The following THUMPD2 variants were observed in gnomAD, a reference collection of about 807,000 sequenced individuals.
THUMPD2 encodes THUMP domain 2 tRNA and snRNA guanosine methyltransferase.
THUMPD2 carries 56 observed loss-of-function variants against 49.4 expected under a neutral mutation model. The observed-to-expected ratio is 1.13, with a 90% confidence interval of 0.91 to 1.41. The LOEUF is 1.41. Ranked by LOEUF, THUMPD2 falls within the 40% of genes most tolerant of loss-of-function variation. THUMPD2 has a pLI of 0.00. For synonymous variants in THUMPD2, 237 were observed against 205.2 expected (o/e 1.15, Z -1.32); for missense variants, 709 against 594.5 (o/e 1.19, Z -2.00).
intron 1 of THUMPD2, among the ~76,000 whole-genome samples, chr2:39,774,649 G>C (rs556945379): frequency 1.3e-5 from 2 of 152,124 alleles, no homozygotes; most frequent in African/African-American, 4.8e-5. Context: ...GAATTTTGGT[G>C]CTTATGACTT....
At chr2:39,776,580 G>A (rs1403817545) in intron 1 of THUMPD2, among the ~76,000 whole-genome samples, 2 of 151,872 alleles carry the variant, frequency 1.3e-5, no homozygotes, top group Non-Finnish European at 2.9e-5. Flanking sequence ...TAGTAGAGAC[G>A]GGGTTTCACC....
chr2:39,756,569 C>T (rs140410069), intron 6 of THUMPD2, among the ~76,000 whole-genome samples: 18 of 151,706 alleles, frequency 1.2e-4, no homozygotes, highest in African/African-American at 3.4e-4. Flanking sequence ...GTAAGGAACA[C>T]GGGTCTGGTC....
chr2:39,738,553 G>T (rs1263716939), intron 9 of THUMPD2, among the ~76,000 whole-genome samples: 2 of 150,438 alleles, frequency 1.3e-5, no homozygotes, highest in Admixed American at 1.3e-4. Context: ...AACAGAGAGA[G>T]ACCCTGTCTT....
chr2:39,746,348 T>C (rs1674588259), intron 8 of THUMPD2, among the ~76,000 whole-genome samples: 1 of 152,202 alleles, frequency 6.6e-6, no homozygotes, highest in African/African-American at 2.4e-5. Flanking sequence ...ATCAGTATCA[T>C]CTGGAAACTA....
intron 8 of THUMPD2, among the ~76,000 whole-genome samples, chr2:39,744,846 C>T (rs1470680284): frequency 6.6e-6 from 1 of 152,092 alleles, no homozygotes; most frequent in African/African-American, 2.4e-5. Flanking sequence ...TTTCATTTCC[C>T]ATTTTAAAAC....
intron 3 of THUMPD2, 80 bp from the exon 4 acceptor site, chr2:39,768,581 G>A: frequency 8.8e-7 from 1 of 1,138,924 alleles, no homozygotes; most frequent in Non-Finnish European, 1.3e-6. Context: ...TAACAGAGTA[G>A]CCTATAAGAA....
intron 6 of THUMPD2, among the ~76,000 whole-genome samples, chr2:39,760,070 G>GAAT (rs1341098129): frequency 6.6e-6 from 1 of 152,168 alleles, no homozygotes; most frequent in Admixed American, 6.5e-5. Context: ...TAATGACTAA[G>GAAT]AATAGGCTGT....
chr2:39,777,084 G>A (rs912263996), intron 1 of THUMPD2, among the ~76,000 whole-genome samples: 1 of 152,194 alleles, frequency 6.6e-6, no homozygotes, highest in East Asian at 1.9e-4. Context: ...ATCATTGAAA[G>A]AATGTTTTAA....
At chr2:39,749,515 T>A (rs756104756) in intron 8 of THUMPD2, among the ~76,000 whole-genome samples, 6 of 152,098 alleles carry the variant, frequency 3.9e-5, no homozygotes, top group Non-Finnish European at 8.8e-5. Flanking sequence ...CTTCACAGAG[T>A]GATATTTTAA....
intron 5 of THUMPD2, among the ~76,000 whole-genome samples, chr2:39,765,030 T>C (rs1677317862): frequency 6.6e-6 from 1 of 152,172 alleles, no homozygotes; most frequent in African/African-American, 2.4e-5. Context: ...TATAAAGTTA[T>C]ATTAGTTAAA....
At chr2:39,746,609 C>T (rs1674627205) in intron 8 of THUMPD2, among the ~76,000 whole-genome samples, 1 of 152,094 alleles carries the variant, frequency 6.6e-6, no homozygotes, top group Non-Finnish European at 1.5e-5. Context: ...CATCTTTTTA[C>T]ATCTCTGCAG....
At chr2:39,755,223 G>C (rs879345791) in intron 8 of THUMPD2, 72 bp downstream of exon 8, 45 of 1,069,896 alleles carry the variant, frequency 4.2e-5, no homozygotes, top group Non-Finnish European at 5.0e-5. Flanking sequence ...AGTGAGACTT[G>C]TTTTATATTA....
At chr2:39,752,827 T>G (rs1411138353) in intron 8 of THUMPD2, among the ~76,000 whole-genome samples, 2 of 152,172 alleles carry the variant, frequency 1.3e-5, no homozygotes, top group Non-Finnish European at 2.9e-5. Flanking sequence ...AATTATAATC[T>G]CCAGTATCAA....
rs141971039 is a variant in THUMPD2, at chr2:39,771,976, C to A, written c.127-336G>T. Among the ~76,000 whole-genome samples the A allele has an allele frequency of 4.3e-3, 651 of 152,252 alleles. 5 individuals are homozygous for A. The highest frequency in any genetic ancestry group is 0.014 in the African/African-American group (601 of 41,554). ...CATATATCCTGAATAATAACAGACACACACTGACATACACATTAAAACATA... is the reference window on the plus strand; with the variant it reads ...CATATATCCTGAATAATAACAGACAAACACTGACATACACATTAAAACATA... On this transcript the variant is annotated intron_variant, in intron 1 of 9. Coordinates refer to ENST00000505747, the MANE Select transcript of THUMPD2 (RefSeq NM_025264.5).
At chr2:39,743,626 G>C (rs954612741) in intron 9 of THUMPD2, among the ~76,000 whole-genome samples, 1 of 152,086 alleles carries the variant, frequency 6.6e-6, no homozygotes, top group Non-Finnish European at 1.5e-5. Flanking sequence ...AGGGAAAGCT[G>C]GTTGTTAAAA....
chr2:39,740,988 A>G (rs1359606904), intron 9 of THUMPD2, among the ~76,000 whole-genome samples: 1 of 152,174 alleles, frequency 6.6e-6, no homozygotes, highest in African/African-American at 2.4e-5. Context: ...CTGAGACTAC[A>G]GGTATGAGCT....
chr2:39,750,406 A>T (rs1018779481), intron 8 of THUMPD2, among the ~76,000 whole-genome samples: 6 of 152,192 alleles, frequency 3.9e-5, no homozygotes, highest in African/African-American at 1.4e-4. Context: ...TCTTTTGAGA[A>T]GTATCTGCTC....
chr2:39,754,385 G>A (rs191839528), intron 8 of THUMPD2, among the ~76,000 whole-genome samples: 33 of 152,164 alleles, frequency 2.2e-4, no homozygotes, highest in African/African-American at 5.8e-4. Context: ...CTTCTTTGGG[G>A]ATGCTTTATT....
intron 1 of THUMPD2, among the ~76,000 whole-genome samples, chr2:39,775,022 A>AT (rs1401830564): frequency 2.0e-5 from 3 of 152,204 alleles, no homozygotes; most frequent in African/African-American, 2.4e-5. Flanking sequence ...GCTCATGCCT[A>AT]TAATTCCAGT....
Sources: gnomAD v4.1 joint callset for allele counts (sites outside exome capture counted in the v4.1 genomes callset) on GRCh38, gnomAD v4.1.1 for gene constraint, MANE v1.5 for transcripts, NCBI Gene and HGNC (gene_info 2026-07-23, HGNC 2026-07-21) for gene names.